Variants in KIF26B observed in about 807,000 individuals in gnomAD.
KIF26B encodes kinesin-like protein KIF26B.
KIF26B carries 63 observed loss-of-function variants against 151.2 expected under a neutral mutation model. The ratio of observed to expected loss-of-function variants is 0.42; its 90% CI spans 0.34 to 0.51. KIF26B has a LOEUF of 0.51. Ranked by LOEUF, KIF26B falls within the 20% of genes least tolerant of loss-of-function variation. KIF26B has a pLI of 0.07. For synonymous variants in KIF26B, 1,357 were observed against 1,262.1 expected, an observed-to-expected ratio of 1.08 and a Z score of -1.59; for missense variants, 2,813 against 2,913.6, an observed-to-expected ratio of 0.97 and a Z score of 0.79.
Position 245,208,820 on chromosome 1 carries a change from A to G in KIF26B, c.465+52137A>G, listed in dbSNP as rs1014688576. On this transcript the variant is annotated intron_variant, in intron 2 of 14. Coordinates refer to ENST00000407071, the MANE Select transcript of KIF26B (RefSeq NM_018012.4). ...AATGTAGCATGTGTGAGTCGCCACTATAGGTCCCAGTGAGCTCAGCTAGCC... is the reference window on the plus strand; with the variant it reads ...AATGTAGCATGTGTGAGTCGCCACTGTAGGTCCCAGTGAGCTCAGCTAGCC... Among the ~76,000 whole-genome samples the G allele has an allele frequency of 3.7e-4, 57 of 152,232 alleles. No individual in the cohort carries two copies. The Middle Eastern group carries it at 0.017, about 45-fold the overall frequency.
At chr1:245,621,293 T>G (rs79557406) in intron 9 of KIF26B, among the ~76,000 whole-genome samples, 2,080 of 152,306 alleles carry the variant, frequency 0.014, 45 homozygotes, top group African/African-American at 0.047. Flanking sequence ...TAATTTTCTA[T>G]GAGATCTTGG....
At chr1:245,425,916 T>A (rs893032286) in intron 4 of KIF26B, among the ~76,000 whole-genome samples, 1 of 152,236 alleles carries the variant, frequency 6.6e-6, no homozygotes, top group African/African-American at 2.4e-5. Context: ...ATTGTCATAT[T>A]TTTGGTGTTC....
At chr1:245,158,179 C>T (rs1668476296) in intron 2 of KIF26B, among the ~76,000 whole-genome samples, 1 of 152,022 alleles carries the variant, frequency 6.6e-6, no homozygotes, top group African/African-American at 2.4e-5. Flanking sequence ...TTACAGCCTA[C>T]CAAATTATTT....
intron 4 of KIF26B, among the ~76,000 whole-genome samples, chr1:245,528,278 G>C (rs1008504404): frequency 1.3e-5 from 2 of 152,170 alleles, no homozygotes; most frequent in Non-Finnish European, 2.9e-5. Context: ...GAAGAAGAGC[G>C]AGTAGAATTG....
At chr1:245,309,022 C>A (rs1016969988) in intron 2 of KIF26B, among the ~76,000 whole-genome samples, 100 of 152,278 alleles carry the variant, frequency 6.6e-4, no homozygotes, top group African/African-American at 2.3e-3. Context: ...ATTTCCAGCA[C>A]AGATGCCTGA....
chr1:245,549,146 TAGG>T (rs745521058), intron 5 of KIF26B, among the ~76,000 whole-genome samples: 11 of 152,112 alleles, frequency 7.2e-5, no homozygotes, highest in Non-Finnish European at 1.3e-4. Flanking sequence ...TGTAAGTGTG[TAGG>T]AGGAGGAGAA....
intron 3 of KIF26B, among the ~76,000 whole-genome samples, chr1:245,383,925 G>GCGGAACGT: frequency 6.6e-6 from 1 of 152,280 alleles, no homozygotes; most frequent in Admixed American, 6.5e-5. Flanking sequence ...GCTAAAACTT[G>GCGGAACGT]CGGAACGTGT....
chr1:245,362,654 G>A (rs1672851891), intron 2 of KIF26B, among the ~76,000 whole-genome samples: 1 of 151,982 alleles, frequency 6.6e-6, no homozygotes, highest in African/African-American at 2.4e-5. Flanking sequence ...ATTAAGATTT[G>A]GCCACATTAT....
At chr1:245,414,471 T>C (rs1186101753) in intron 3 of KIF26B, among the ~76,000 whole-genome samples, 2 of 152,194 alleles carry the variant, frequency 1.3e-5, no homozygotes, top group Non-Finnish European at 2.9e-5. Flanking sequence ...CTTGTTTGTG[T>C]TGGTCTGAGC....
chr1:245,364,756 C>T (rs970716120), intron 2 of KIF26B, among the ~76,000 whole-genome samples: 2 of 152,128 alleles, frequency 1.3e-5, no homozygotes, highest in Non-Finnish European at 2.9e-5. Flanking sequence ...CTTTCTGTGG[C>T]ACCTCTTCCA....
chr1:245,219,284 GC>G (rs1352815760), intron 2 of KIF26B, among the ~76,000 whole-genome samples: 1 of 151,686 alleles, frequency 6.6e-6, no homozygotes, highest in Admixed American at 6.6e-5. Context: ...GACTACAGGT[GC>G]CCGCCACCAC....
At position 245,667,630 on chromosome 1, in the gene KIF26B, G is replaced by A. The variant is rs1284063979; in HGVS notation, c.2259-16603G>A. ...AATACTTATAGAAAGACGACTTTAT[G>A]CCGGACACTGTGTTAGGTCCTGGCT... is the stretch of plus-strand genomic sequence containing the variant. On this transcript the variant is annotated intron_variant, in intron 10 of 14. Transcript: ENST00000407071. The surrounding 1 kb of genome is among the most constrained non-coding windows in gnomAD (Gnocchi z 4.3). Among the ~76,000 whole-genome samples the A allele has an allele frequency of 6.6e-6, 1 of 152,172 alleles. No homozygotes were observed. The highest frequency in any genetic ancestry group is 2.4e-5 in the African/African-American group (1 of 41,446).
intron 2 of KIF26B, among the ~76,000 whole-genome samples, chr1:245,200,489 G>T (rs894864463): frequency 2.6e-5 from 4 of 152,232 alleles, no homozygotes; most frequent in Non-Finnish European, 4.4e-5. Context: ...CATCCCAAGA[G>T]AATGTGTCAA....
chr1:245,392,132 G>C (rs1673716500), intron 3 of KIF26B, among the ~76,000 whole-genome samples: 2 of 151,608 alleles, frequency 1.3e-5, no homozygotes. Context: ...TAATGTTTAA[G>C]ATTATGAAGA....
intron 10 of KIF26B, among the ~76,000 whole-genome samples, chr1:245,662,531 AATAT>A (rs549107651): frequency 4.4e-4 from 65 of 146,894 alleles, no homozygotes; most frequent in African/African-American, 1.6e-3. Flanking sequence ...ACACACCCCC[AATAT>A]ATATACACAC....
intron 4 of KIF26B, among the ~76,000 whole-genome samples, chr1:245,445,453 A>G (rs1198939653): frequency 6.6e-6 from 1 of 152,228 alleles, no homozygotes; most frequent in Non-Finnish European, 1.5e-5. Flanking sequence ...TCACAGTAAT[A>G]CTACAGAGAG....
chr1:245,467,711 A>G (rs995683916), intron 4 of KIF26B, among the ~76,000 whole-genome samples: 5 of 152,214 alleles, frequency 3.3e-5, no homozygotes, highest in Non-Finnish European at 7.3e-5. Context: ...CCTGGCCAAC[A>G]TGGTGAAACC....
At chr1:245,682,371 T>C (rs1266631147) in intron 10 of KIF26B, among the ~76,000 whole-genome samples, 1 of 152,246 alleles carries the variant, frequency 6.6e-6, no homozygotes, top group Admixed American at 6.5e-5. Flanking sequence ...AAATATTTTA[T>C]AGAACACAGC....
intron 2 of KIF26B, among the ~76,000 whole-genome samples, chr1:245,321,399 C>T (rs556387613): frequency 2.7e-3 from 410 of 152,352 alleles, no homozygotes; most frequent in Non-Finnish European, 4.7e-3. Context: ...GTCACCCTCT[C>T]CTAGGCCTAT....
Sources: gnomAD v4.1 joint callset for allele counts (sites outside exome capture counted in the v4.1 genomes callset) on GRCh38, gnomAD v4.1.1 for gene constraint, Gnocchi (gnomAD v3.1) non-coding constraint, MANE v1.5 for transcripts, NCBI Gene and HGNC (gene_info 2026-07-23, HGNC 2026-07-21) for gene names.